Variants in GOLGA4 observed in about 807,000 individuals in gnomAD.
GOLGA4 encodes golgin A4, also known as golgin subfamily A member 4.
GOLGA4 carries 169 observed loss-of-function variants against 265.9 expected under a neutral mutation model. The observed-to-expected ratio is 0.64, with a 90% CI of 0.56 to 0.72. The LOEUF is 0.72. GOLGA4 is among the 30% of genes least tolerant of loss of function. The pLI, the probability that GOLGA4 is intolerant of heterozygous loss-of-function variation, is 0.00. For synonymous variants in GOLGA4, 923 were observed against 855.8 expected (o/e 1.08, Z -1.37); for missense variants, 2,482 against 2,483.4 (o/e 1.00, Z 0.01).
At chr3:37,294,023 C>T (rs1271215782) in intron 5 of GOLGA4, among the ~76,000 whole-genome samples, 6 of 152,152 alleles carry the variant, frequency 3.9e-5, no homozygotes, top group Non-Finnish European at 8.8e-5. Flanking sequence ...TCTTATGAAA[C>T]CACCGTCATA....
intron 2 of GOLGA4, among the ~76,000 whole-genome samples, chr3:37,270,534 A>G (rs1341767839): frequency 6.6e-6 from 1 of 152,068 alleles, no homozygotes; most frequent in Non-Finnish European, 1.5e-5. Context: ...GCTTTTTTGT[A>G]TGGACCACAA....
At chr3:37,269,014 G>GT (rs1220278895) in intron 2 of GOLGA4, among the ~76,000 whole-genome samples, 1 of 152,184 alleles carries the variant, frequency 6.6e-6, no homozygotes, top group African/African-American at 2.4e-5. Context: ...AAATGCAGCT[G>GT]TTTACCCCAA....
chr3:37,308,545 T>C (rs2096913626), intron 10 of GOLGA4, among the ~76,000 whole-genome samples: 1 of 151,480 alleles, frequency 6.6e-6, no homozygotes, highest in South Asian at 2.1e-4. Context: ...AACTTATTGG[T>C]GATTCCAAAG....
chr3:37,308,077 A>G (rs973955084), intron 10 of GOLGA4, among the ~76,000 whole-genome samples: 3 of 152,054 alleles, frequency 2.0e-5, no homozygotes, highest in African/African-American at 7.2e-5. Flanking sequence ...TACTAAAAAT[A>G]TAAAAATTAG....
chr3:37,282,375 C>A, intron 3 of GOLGA4, 103 bp downstream of exon 3: 1 of 806,262 alleles, frequency 1.2e-6, no homozygotes, highest in Non-Finnish European at 2.0e-6. Flanking sequence ...ACTGTTAATT[C>A]TCTGGATATA....
At chr3:37,250,035 A>C (rs2096729707) in intron 1 of GOLGA4, 1 of 152,236 alleles carries the variant, frequency 6.6e-6, no homozygotes, top group South Asian at 2.1e-4. Context: ...AGCTCAGGTT[A>C]CCCTGTCTCA....
intron 20 of GOLGA4, among the ~76,000 whole-genome samples, chr3:37,345,149 G>T (rs1263940130): frequency 7.2e-5 from 11 of 152,164 alleles, no homozygotes; most frequent in Non-Finnish European, 1.2e-4. Flanking sequence ...GGTTGAAGCT[G>T]CAGTGAGCTG....
intron 20 of GOLGA4, among the ~76,000 whole-genome samples, chr3:37,345,803 C>T (rs1454055493): frequency 6.6e-6 from 1 of 152,016 alleles, no homozygotes; most frequent in Non-Finnish European, 1.5e-5. Context: ...AAAAATTAGC[C>T]AGGCATGGTG....
chr3:37,251,678 TC>T (rs1428708298), intron 2 of GOLGA4, among the ~76,000 whole-genome samples, 194 bp downstream of exon 2: 4 of 151,572 alleles, frequency 2.6e-5, no homozygotes, highest in Non-Finnish European at 5.9e-5. Flanking sequence ...TGTCTGTCTG[TC>T]TGTATGTATG....
intron 11 of GOLGA4, among the ~76,000 whole-genome samples, chr3:37,317,094 G>T (rs1486824299): frequency 6.6e-6 from 1 of 152,094 alleles, no homozygotes; most frequent in Non-Finnish European, 1.5e-5. Context: ...TGAATGTCCT[G>T]TAATTTAATC....
chr3:37,296,202 G>T lies in GOLGA4; in HGVS notation c.797G>T (p.Ser266Ile), dbSNP rs748715612. ...EVFTKEENPE[S>I]DGEPVVEDGT... ...TTCACTAAAGAAGAGAATCCAGAAA[G>T]TGATGGAGAGCCAGTAGGTAAGCTT... The change falls in exon 7 of 24, where the codon AGT (serine) becomes ATT (isoleucine). Residue 266 changes from serine (S) to isoleucine (I), a missense_variant. This residue lies in a region of GOLGA4 where 1,536 missense variants were observed against 1,483.7 expected (regional missense o/e 1.04). Transcript: ENST00000361924. 4.3e-6 allele frequency: 7 copies of T among 1,614,138 alleles called. No individual in the cohort carries two copies. The East Asian group carries it at 1.6e-4, about 36-fold the overall frequency.
chr3:37,352,208 G>T (rs1456265812), intron 21 of GOLGA4, among the ~76,000 whole-genome samples: 1 of 152,014 alleles, frequency 6.6e-6, no homozygotes, highest in Non-Finnish European at 1.5e-5. Context: ...ATAAAGGCAA[G>T]AGGTTTAATT....
intron 2 of GOLGA4, among the ~76,000 whole-genome samples, chr3:37,268,268 G>A (rs115353307): frequency 8.7e-4 from 133 of 152,028 alleles, no homozygotes; most frequent in Non-Finnish European, 1.7e-3. Context: ...AGTCTTTTTA[G>A]AGAGAGAGTC....
chr3:37,309,764 G>A (rs956468196), intron 10 of GOLGA4, among the ~76,000 whole-genome samples: 2 of 152,190 alleles, frequency 1.3e-5, no homozygotes, highest in African/African-American at 2.4e-5. Flanking sequence ...CATTTAATCC[G>A]TTGTGATGTA....
chr3:37,283,280 C>T (rs1206295243), intron 3 of GOLGA4, among the ~76,000 whole-genome samples: 4 of 152,090 alleles, frequency 2.6e-5, no homozygotes, highest in Non-Finnish European at 4.4e-5. Context: ...CTGGCTGGAA[C>T]CCACCCAGAG....
intron 2 of GOLGA4, among the ~76,000 whole-genome samples, chr3:37,253,158 A>T (rs960854524): frequency 6.6e-6 from 1 of 151,982 alleles, no homozygotes; most frequent in Non-Finnish European, 1.5e-5. Flanking sequence ...TCAGGAGGCT[A>T]AGGCAGGGGC....
At chr3:37,275,971 T>C in intron 2 of GOLGA4, 3 of 1,613,470 alleles carry the variant, frequency 1.9e-6, no homozygotes, top group Non-Finnish European at 2.5e-6. Context: ...AGAAAGAACC[T>C]GCAATTACAT....
Position 37,327,713 on chromosome 3 carries a change from G to A in GOLGA4, c.5827G>A (p.Gly1943Ser). 1 of 1,613,842 alleles carries A rather than the reference G, an allele frequency of 6.2e-7. No homozygotes were observed. Among genetic ancestry groups the A allele is most frequent in the Non-Finnish European group, 8.5e-7 (1 of 1,179,808 alleles). The change falls in exon 14 of 24, where the codon GGC becomes AGC. Residue 1943 changes from glycine to serine, a missense_variant. This residue lies in a region of GOLGA4 where 942 missense variants were observed against 983.1 expected (regional missense o/e 0.96). Transcript: ENST00000361924. ...AGAEREKQKLGKEIVRLQKDL... is the reference protein window; with the variant it reads ...AGAEREKQKLSKEIVRLQKDL... ...GGCAGAACGGGAGAAACAGAAACTGGGCAAGGAGATTGTTAGATTGCAGAA... is the reference window on the plus strand; with the variant it reads ...GGCAGAACGGGAGAAACAGAAACTGAGCAAGGAGATTGTTAGATTGCAGAA...
In GOLGA4 at chr3:37,340,205, G is replaced by A; in HGVS notation, c.6472+6G>A. ...TGTGGGGACACCTTACAAAGGTAAGGATGATCTCGTGTCATGTTATTAACT... is the reference window on the plus strand; with the variant it reads ...TGTGGGGACACCTTACAAAGGTAAGAATGATCTCGTGTCATGTTATTAACT... On this transcript the variant is annotated splice_donor_region_variant and intron_variant, in intron 20 of 23. Transcript: ENST00000361924. 8.4e-7 allele frequency: 1 copy of A among 1,188,474 alleles called. No individual in the cohort carries two copies. 73.6% of individuals were successfully genotyped at this position (1,188,474 alleles called of 1,614,324 possible). A position where few individuals can be genotyped will look rare whatever the true frequency, so the allele number is the denominator to read the frequency against.
Sources: gnomAD v4.1 joint callset for allele counts (sites outside exome capture counted in the v4.1 genomes callset) on GRCh38, gnomAD v4.1.1 for gene constraint, gnomAD v4.1.1 regional missense constraint, MANE v1.5 for transcripts, NCBI Gene and HGNC (gene_info 2026-07-23, HGNC 2026-07-21) for gene names.